Variants in LPXN observed in about 807,000 individuals in gnomAD.
The protein encoded by LPXN is leupaxin.
A neutral mutation model predicts 45.6 loss-of-function variants in LPXN; 28 were observed. That is an observed-to-expected ratio of 0.61 (90% confidence interval 0.45 to 0.84). LPXN has a LOEUF of 0.84. LPXN is among the 40% of genes least tolerant of loss of function. The probability of loss-of-function intolerance (pLI) is 0.00; values close to 1 mark genes in which losing one functional copy is unlikely to be tolerated. For missense variants in LPXN, 459 were observed against 475.0 expected, an observed-to-expected ratio of 0.97 and a Z score of 0.31; for synonymous variants, 166 against 169.9, an observed-to-expected ratio of 0.98 and a Z score of 0.18.
intron 4 of LPXN, among the ~76,000 whole-genome samples, chr11:58,552,574 TG>T (rs1369775173): frequency 6.6e-6 from 1 of 152,240 alleles, no homozygotes. Context: ...AAAGGACAGC[TG>T]GGCTCTTCAT....
At chr11:58,554,332 A>C (rs1433828386) in intron 4 of LPXN, among the ~76,000 whole-genome samples, 1 of 151,938 alleles carries the variant, frequency 6.6e-6, no homozygotes, top group African/African-American at 2.4e-5. Flanking sequence ...CAAACAAACA[A>C]ACAAACAAAT....
At chr11:58,551,302 C>CTA in intron 4 of LPXN, 70 bp from the exon 5 acceptor site, 1 of 1,317,568 alleles carries the variant, frequency 7.6e-7, no homozygotes, top group East Asian at 2.8e-5. Flanking sequence ...TCTAATGACT[C>CTA]TATAAATTCA....
At chr11:58,528,564 A>G (rs1308862047) in intron 7 of LPXN, among the ~76,000 whole-genome samples, 1 of 152,186 alleles carries the variant, frequency 6.6e-6, no homozygotes, top group Non-Finnish European at 1.5e-5. Flanking sequence ...TCCTTGTCAC[A>G]TCATCTTCTT....
chr11:58,573,066 A>C (rs958887850), intron 1 of LPXN, among the ~76,000 whole-genome samples: 2 of 152,016 alleles, frequency 1.3e-5, no homozygotes, highest in African/African-American at 4.8e-5. Context: ...ACCAACATGG[A>C]GAAAACCCGT....
intron 7 of LPXN, among the ~76,000 whole-genome samples, chr11:58,547,122 G>C (rs955269900): frequency 6.6e-6 from 1 of 152,122 alleles, no homozygotes; most frequent in African/African-American, 2.4e-5. Flanking sequence ...AGATGAGTCT[G>C]GCTGAAAGAG....
intron 7 of LPXN, among the ~76,000 whole-genome samples, chr11:58,544,698 A>T (rs527625960): frequency 1.4e-4 from 22 of 152,266 alleles, no homozygotes; most frequent in Non-Finnish European, 2.5e-4. Context: ...GGGACCAATT[A>T]CCTCTAGAGG....
chr11:58,551,112 C>G lies in LPXN; in HGVS notation c.439G>C (p.Val147Leu). 6.2e-7 allele frequency: 1 copy of G among 1,606,964 alleles called. No homozygotes were observed. The highest frequency in any genetic ancestry group is 1.1e-5 in the South Asian group (1 of 90,126). The change falls in exon 5 of 9, where the codon GTG becomes CTG. Residue 147 changes from valine to leucine, a missense_variant. By Grantham distance (32) the Val-to-Leu change is conservative (BLOSUM62 1). Transcript: ENST00000395074. ...CAGGATGCACAATGGCCCTTGGGCA[C>G]TGTGGCAATGCCAAGGTCCTGCAAT... ...QELQDLGIATVPKGHCASCQK... is the reference protein window; with the variant it reads ...QELQDLGIATLPKGHCASCQK...
intron 2 of LPXN, among the ~76,000 whole-genome samples, chr11:58,567,461 A>C (rs1391044243): frequency 6.6e-6 from 1 of 152,230 alleles, no homozygotes; most frequent in Non-Finnish European, 1.5e-5. Flanking sequence ...TTTGCAAAGG[A>C]AAATCACTCA....
upstream of LPXN, among the ~76,000 whole-genome samples, chr11:58,578,548 G>A (rs1388918067): frequency 2.0e-5 from 3 of 152,186 alleles, no homozygotes; most frequent in Admixed American, 2.0e-4. Flanking sequence ...AAGGAGAAGC[G>A]ACAGCTCAAA....
chr11:58,577,745 C>A (rs1854945627), upstream of LPXN, among the ~76,000 whole-genome samples: 1 of 152,124 alleles, frequency 6.6e-6, no homozygotes, highest in Non-Finnish European at 1.5e-5. Context: ...AGAGACCCTT[C>A]AGCTTCTCGG....
chr11:58,575,807 C>T lies in LPXN; in HGVS notation c.-35G>A, dbSNP rs770451028. ...TCCAAGATGCTCTTGTCTCACAGGCCGTGAGGAACAGCTTTGGCATGTGCT... is the reference window on the plus strand; with the variant it reads ...TCCAAGATGCTCTTGTCTCACAGGCTGTGAGGAACAGCTTTGGCATGTGCT... On this transcript the variant is annotated 5_prime_UTR_variant, in exon 1 of 9. Coordinates refer to ENST00000395074, the MANE Select transcript of LPXN (RefSeq NM_004811.3). 13 of 1,614,152 alleles carry T rather than the reference C, an allele frequency of 8.1e-6. No individual in the cohort carries two copies. Among genetic ancestry groups the T allele is most frequent in the Middle Eastern group, 1.6e-4 (1 of 6,062 alleles).
intron 7 of LPXN, among the ~76,000 whole-genome samples, chr11:58,539,761 TCAAA>T (rs1002141549): frequency 2.6e-5 from 4 of 152,172 alleles, no homozygotes; most frequent in African/African-American, 9.7e-5. Context: ...ATAGAAAGTG[TCAAA>T]CACTTATCTC....
chr11:58,571,314 G>A (rs1854690091), intron 1 of LPXN, among the ~76,000 whole-genome samples: 1 of 151,398 alleles, frequency 6.6e-6, no homozygotes, highest in African/African-American at 2.4e-5. Flanking sequence ...CCAGCAGCCT[G>A]GGCCAAAGGA....
At position 58,549,988 on chromosome 11, in the gene LPXN, A is replaced by C; in HGVS notation, c.645T>G (p.Ala215=). ...ATTTACTTACATCCAGGATGGGAGCAGCGCAGTAAGCACAGCGTGGAGAAA... is the reference window on the plus strand; with the variant it reads ...ATTTACTTACATCCAGGATGGGAGCCGCGCAGTAAGCACAGCGTGGAGAAA... ...QLFSPRCAYC[A]APILDKVLTA... The change falls in exon 6 of 9, where the codon GCT becomes GCG. Residue 215 remains alanine, a synonymous_variant. Transcript: ENST00000395074. 6.2e-7 allele frequency: 1 copy of C among 1,614,208 alleles called. No homozygotes were observed. The highest frequency in any genetic ancestry group is 8.5e-7 in the Non-Finnish European group (1 of 1,179,996).
chr11:58,546,337 T>G (rs962966491), intron 7 of LPXN, among the ~76,000 whole-genome samples: 1 of 152,130 alleles, frequency 6.6e-6, no homozygotes, highest in East Asian at 1.9e-4. Context: ...ATTAGAAAGT[T>G]AGATGCCTTA....
intron 4 of LPXN, among the ~76,000 whole-genome samples, chr11:58,551,680 G>A (rs1002017649): frequency 1.3e-5 from 2 of 152,024 alleles, no homozygotes; most frequent in African/African-American, 4.8e-5. Context: ...GCATTCTGTG[G>A]GCGATAGACA....
Position 58,570,592 on chromosome 11 carries a change from C to A in LPXN, c.135G>T (p.Glu45Asp). Residue 45 changes from glutamate to aspartate, a missense_variant, in exon 2 of 9, where the codon GAG becomes GAT. By Grantham distance (45) the Glu-to-Asp change is conservative. Coordinates refer to ENST00000395074, the MANE Select transcript of LPXN (RefSeq NM_004811.3). Reference protein sequence around the residue: ...RKETNLDETSEILSIQDNTSP... With the variant: ...RKETNLDETSDILSIQDNTSP... Reference sequence around the variant, plus strand: ...TTGTGTTATCCTGAATAGAAAGGATCTCCGAAGTCTCATCAAGGTTAGTCT... The same window carrying A: ...TTGTGTTATCCTGAATAGAAAGGATATCCGAAGTCTCATCAAGGTTAGTCT... 1 of 1,613,182 alleles carries A rather than the reference C, an allele frequency of 6.2e-7. No individual in the cohort carries two copies. Among genetic ancestry groups the A allele is most frequent in the African/African-American group, 1.3e-5 (1 of 75,026 alleles).
intron 2 of LPXN, among the ~76,000 whole-genome samples, 180 bp downstream of exon 2, chr11:58,570,373 GTGA>G (rs1854652133): frequency 6.6e-6 from 1 of 151,560 alleles, no homozygotes; most frequent in Non-Finnish European, 1.5e-5. Context: ...TCATTCCTCT[GTGA>G]TGATTTTCTC....
chr11:58,550,269 T>C (rs1854010673), intron 5 of LPXN, 123 bp from the exon 6 acceptor site: 2 of 897,292 alleles, frequency 2.2e-6, no homozygotes, highest in Non-Finnish European at 3.6e-6. Flanking sequence ...CCTGGAATTA[T>C]ACAACACTGA....
Sources: allele counts gnomAD v4.1 joint callset (sites outside exome capture counted in the v4.1 genomes callset), GRCh38; gene constraint gnomAD v4.1.1; transcripts MANE v1.5; gene names NCBI Gene and HGNC (gene_info 2026-07-23, HGNC 2026-07-21).